GBE1: variants seen among roughly 807,000 people sequenced by gnomAD.
GBE1 encodes 1,4-alpha-glucan branching enzyme 1.
GBE1 carries 70 observed loss-of-function variants against 88.8 expected under a neutral mutation model. The observed-to-expected ratio is 0.79, with a 90% CI of 0.65 to 0.96. The LOEUF (loss-of-function observed/expected upper bound fraction) is 0.96, where lower values mean the gene tolerates loss of function less well. Among genes scored for constraint, GBE1 ranks in the 40% least tolerant of loss-of-function variants. The pLI, the probability that GBE1 is intolerant of heterozygous loss-of-function variation, is 0.00. For synonymous variants in GBE1, 284 were observed against 300.1 expected (o/e 0.95, Z 0.56); for missense variants, 872 against 871.0 (o/e 1.00, Z -0.01).
At chr3:81,602,996 G>C (rs1353344048) in intron 7 of GBE1, among the ~76,000 whole-genome samples, 1 of 151,996 alleles carries the variant, frequency 6.6e-6, no homozygotes, top group African/African-American at 2.4e-5. Context: ...CTTACTCTCT[G>C]CCTGGAGAAT....
chr3:81,511,239 G>A (rs996815830), intron 14 of GBE1, among the ~76,000 whole-genome samples: 1 of 151,918 alleles, frequency 6.6e-6, no homozygotes, highest in Admixed American at 6.6e-5. Context: ...AGAAAACCTA[G>A]GAAATACCTT....
intron 1 of GBE1, among the ~76,000 whole-genome samples, chr3:81,750,744 G>A (rs1184198452): frequency 4.3e-5 from 6 of 139,650 alleles, no homozygotes; most frequent in Non-Finnish European, 4.6e-5. Context: ...ACAGTGGCGC[G>A]ATCTTGGCTC....
chr3:81,599,986 G>A (rs1248689633), intron 7 of GBE1, among the ~76,000 whole-genome samples: 1 of 151,990 alleles, frequency 6.6e-6, no homozygotes, highest in African/African-American at 2.4e-5. Flanking sequence ...ATTTAGATAA[G>A]CGATTGGCTG....
chr3:81,577,960 T>A lies in GBE1; in HGVS notation c.1583A>T (p.His528Leu), dbSNP rs1559650602. ...QLHKMIRLITHGLGGEGYLNF... is the reference protein window; with the variant it reads ...QLHKMIRLITLGLGGEGYLNF... ...GAGATAGCCTTCTCCACCAAGCCCA[T>A]GCGTAATGAGTCGAATCATTTTATG... The change falls in exon 12 of 16, where the codon CAT (histidine) becomes CTT (leucine). Residue 528 changes from histidine (H) to leucine (L), a missense_variant. Physicochemically the swap from His to Leu is moderately conservative, Grantham distance 99 (BLOSUM62 -3). Coordinates refer to ENST00000429644, the MANE Select transcript of GBE1 (RefSeq NM_000158.4). The A allele has an allele frequency of 2.5e-6, 4 of 1,606,498 alleles. No homozygotes were observed. The highest frequency in any genetic ancestry group is 3.4e-6 in the Non-Finnish European group (4 of 1,177,220).
chr3:81,535,291 A>T lies in GBE1; in HGVS notation c.1838T>A (p.Ile613Asn). The T allele has an allele frequency of 6.2e-7, 1 of 1,611,070 alleles. No individual in the cohort carries two copies. Among genetic ancestry groups the T allele is most frequent in the African/African-American group, 1.3e-5 (1 of 74,870 alleles). ...AAGACCTGCTCTTTCAAAAGCAATG[A>T]TCTTATTGCCTTCATGTTTTTCACT... ...YVSEKHEGNKIIAFERAGLLF... is the reference protein window; with the variant it reads ...YVSEKHEGNKNIAFERAGLLF... The change falls in exon 14 of 16, where the codon ATC becomes AAC. Residue 613 changes from isoleucine to asparagine, a missense_variant. Physicochemically the swap from Ile to Asn is moderately radical, Grantham distance 149 (BLOSUM62 -3). Transcript: ENST00000429644.
At chr3:81,577,249 T>A (rs909821757) in intron 12 of GBE1, among the ~76,000 whole-genome samples, 1 of 152,096 alleles carries the variant, frequency 6.6e-6, no homozygotes, top group Non-Finnish European at 1.5e-5. Flanking sequence ...CTGAGTCTTT[T>A]ATTGTAGAAA....
chr3:81,515,488 C>T (rs1702786273), intron 14 of GBE1, among the ~76,000 whole-genome samples: 1 of 151,488 alleles, frequency 6.6e-6, no homozygotes, highest in Admixed American at 6.6e-5. Context: ...CTTGTCTCTT[C>T]CCCTTTTCTT....
At chr3:81,554,083 T>C (rs1351278964) in intron 12 of GBE1, among the ~76,000 whole-genome samples, 1 of 152,196 alleles carries the variant, frequency 6.6e-6, no homozygotes, top group African/African-American at 2.4e-5. Context: ...GCAACAGTAA[T>C]GGGCTTTCAC....
chr3:81,726,297 C>T (rs1032106408), intron 1 of GBE1, among the ~76,000 whole-genome samples: 1 of 151,836 alleles, frequency 6.6e-6, no homozygotes, highest in Non-Finnish European at 1.5e-5. Flanking sequence ...AAGATGAGTA[C>T]GTCATGCTTC....
chr3:81,677,933 C>G (rs1232043042), intron 2 of GBE1, among the ~76,000 whole-genome samples: 2 of 152,128 alleles, frequency 1.3e-5, no homozygotes, highest in Non-Finnish European at 2.9e-5. Flanking sequence ...CAATGGAATA[C>G]TAATACCTCA....
intron 1 of GBE1, among the ~76,000 whole-genome samples, chr3:81,742,533 C>T (rs192084516): frequency 6.6e-5 from 10 of 152,022 alleles, no homozygotes; most frequent in Admixed American, 5.2e-4. Context: ...AAGGCATAGG[C>T]GCCCCATCAT....
At position 81,648,882 on chromosome 3, in the gene GBE1, T is replaced by C. The variant is rs1350258947; in HGVS notation, c.665A>G (p.Asn222Ser). The change falls in exon 5 of 16, where the codon AAT (asparagine) becomes AGT (serine). Residue 222 changes from asparagine to serine, a missense_variant. Asn to Ser is a conservative substitution (Grantham distance 46). Transcript: ENST00000429644. ...AAGGCCTTTGATTCTTGGTAGTACA[T>C]TGCATGTAAAATGTTTATAAGAAGC... ...KVASYKHFTCNVLPRIKGLGY... is the reference protein window; with the variant it reads ...KVASYKHFTCSVLPRIKGLGY... 3.8e-6 allele frequency: 6 copies of C among 1,575,968 alleles called. No homozygotes were observed. Among genetic ancestry groups the C allele is most frequent in the East Asian group, 2.3e-5 (1 of 43,944 alleles).
intron 12 of GBE1, among the ~76,000 whole-genome samples, chr3:81,568,605 C>T (rs758437650): frequency 4.6e-5 from 7 of 152,118 alleles, no homozygotes; most frequent in Admixed American, 6.5e-5. Flanking sequence ...TAAAACAATT[C>T]CTAGTACGGA....
chr3:81,504,932 C>A (rs570124631), intron 14 of GBE1, among the ~76,000 whole-genome samples: 3 of 152,112 alleles, frequency 2.0e-5, no homozygotes, highest in Non-Finnish European at 4.4e-5. Context: ...AAGGTACAAC[C>A]CTTGAGGTTT....
At position 81,549,249 on chromosome 3, in the gene GBE1, C is replaced by T. The variant is rs755950183; in HGVS notation, c.1619-12154G>A. On this transcript the variant is annotated intron_variant, in intron 12 of 15. Transcript: ENST00000429644. ...TTCACCTTCTTGGCCAGGCTGGTCT[C>T]GAACTCCTGACCTTGTGATTCACCC... 9.9e-5 allele frequency among the ~76,000 whole-genome samples: 15 copies of T among 151,090 alleles called. 1 individual carries two copies. Among genetic ancestry groups the T allele is most frequent in the Non-Finnish European group, 1.9e-4 (13 of 67,482 alleles).
chr3:81,687,444 G>T (rs370453632), intron 2 of GBE1, among the ~76,000 whole-genome samples: 1 of 152,144 alleles, frequency 6.6e-6, no homozygotes, highest in Non-Finnish European at 1.5e-5. Flanking sequence ...AAAATGATTG[G>T]GAAGTCGAAA....
chr3:81,542,353 T>C lies in GBE1; in HGVS notation c.1619-5258A>G, dbSNP rs188247361. Among the ~76,000 whole-genome samples the C allele has an allele frequency of 2.2e-4, 34 of 152,190 alleles. 1 individual carries two copies. Among genetic ancestry groups the C allele is most frequent in the Middle Eastern group, 3.4e-3 (1 of 294 alleles). On this transcript the variant is annotated intron_variant, in intron 12 of 15. Coordinates refer to ENST00000429644, the MANE Select transcript of GBE1 (RefSeq NM_000158.4). The stretch of plus-strand genomic sequence containing the variant: ...TTTTATATGTATCTTTGTACACCTG[T>C]CTGATATTTCCCTAACATAAACTGA...
intron 14 of GBE1, among the ~76,000 whole-genome samples, chr3:81,499,768 T>C (rs1011691586): frequency 5.9e-5 from 9 of 152,200 alleles, no homozygotes; most frequent in African/African-American, 2.2e-4. Flanking sequence ...AATGCATCAT[T>C]GCATCTGTAC....
intron 1 of GBE1, among the ~76,000 whole-genome samples, chr3:81,758,840 G>A (rs1706638227): frequency 6.6e-6 from 1 of 152,144 alleles, no homozygotes; most frequent in Non-Finnish European, 1.5e-5. Context: ...AACTAATGAA[G>A]GTGATATGGT....
Sources: gnomAD v4.1 joint callset for allele counts (sites outside exome capture counted in the v4.1 genomes callset) on GRCh38, gnomAD v4.1.1 for gene constraint, MANE v1.5 for transcripts, NCBI Gene and HGNC (gene_info 2026-07-23, HGNC 2026-07-21) for gene names.